The following NOL4 variants were observed in gnomAD, a reference collection of about 807,000 sequenced individuals.
NOL4 encodes nucleolar protein 4, also known as cancer/testis antigen 125.
Under a neutral mutation model 75.9 loss-of-function variants are expected in NOL4, and 17 were observed. The ratio of observed to expected loss-of-function variants is 0.22; its 90% confidence interval spans 0.15 to 0.34. The LOEUF is 0.34. Ranked by LOEUF, NOL4 falls within the 10% of genes least tolerant of loss-of-function variation. The pLI, the probability that NOL4 is intolerant of heterozygous loss-of-function variation, is 1.00. For missense variants in NOL4, 614 were observed against 793.5 expected (o/e 0.77, Z 2.72); for synonymous variants, 292 against 289.9 (o/e 1.01, Z -0.07).
chr18:33,859,725 C>G (rs116532459), intron 10 of NOL4, among the ~76,000 whole-genome samples: 2 of 152,010 alleles, frequency 1.3e-5, no homozygotes, highest in South Asian at 2.1e-4. Flanking sequence ...ACAAGACCAG[C>G]CTGACCAACA....
Position 34,093,483 on chromosome 18 carries a change from G to A in NOL4, c.754C>T (p.Leu252Phe). ...GGCTTACCATCTTGCTGGCCATGAAGATTCTGGGGACTTTGCATTCTTTCT... is the reference window on the plus strand; with the variant it reads ...GGCTTACCATCTTGCTGGCCATGAAAATTCTGGGGACTTTGCATTCTTTCT... ...LEERMQSPQN[L>F]HGQQDDDSAA... Residue 252 changes from leucine (L) to phenylalanine (F), a missense_variant, in exon 5 of 11, where the codon CTT (leucine) becomes TTT (phenylalanine). This residue lies in a region of NOL4 where 135 missense variants were observed against 220.4 expected (regional missense o/e 0.61). Transcript: ENST00000261592. The A allele has an allele frequency of 6.3e-7, 1 of 1,586,490 alleles. No homozygotes were observed. The highest frequency in any genetic ancestry group is 8.6e-7 in the Non-Finnish European group (1 of 1,164,422).
At chr18:34,192,822 C>G (rs560572993) in intron 1 of NOL4, among the ~76,000 whole-genome samples, 1 of 152,124 alleles carries the variant, frequency 6.6e-6, no homozygotes, top group African/African-American at 2.4e-5. Flanking sequence ...AGTGGATTAA[C>G]GGCATTATCA....
intron 10 of NOL4, among the ~76,000 whole-genome samples, chr18:33,864,968 C>T (rs1229333891): frequency 6.6e-6 from 1 of 152,070 alleles, no homozygotes; most frequent in East Asian, 1.9e-4. Context: ...ATGAGGGAAA[C>T]CTCTCCCATG....
intron 6 of NOL4, among the ~76,000 whole-genome samples, chr18:33,985,745 A>C (rs1176907298): frequency 4.6e-5 from 7 of 152,138 alleles, no homozygotes; most frequent in Admixed American, 4.6e-4. Flanking sequence ...TTAGTGGGTA[A>C]AGTTTTATCC....
At chr18:34,190,914 A>C (rs1245721342) in intron 1 of NOL4, among the ~76,000 whole-genome samples, 1 of 152,096 alleles carries the variant, frequency 6.6e-6, no homozygotes, top group Admixed American at 6.6e-5. Context: ...ATGCAAAACT[A>C]TTTCACATAT....
At chr18:34,140,777 G>C (rs1379161234) in intron 1 of NOL4, among the ~76,000 whole-genome samples, 1 of 152,120 alleles carries the variant, frequency 6.6e-6, no homozygotes, top group African/African-American at 2.4e-5. Context: ...CCTAGCATCA[G>C]TGGTCTTTAC....
intron 5 of NOL4, among the ~76,000 whole-genome samples, chr18:34,073,394 A>G (rs2077603673): frequency 6.6e-6 from 1 of 152,054 alleles, no homozygotes; most frequent in Non-Finnish European, 1.5e-5. Flanking sequence ...CCCAAAATCC[A>G]TAGATGTTCA....
At chr18:34,100,203 C>A (rs572957973) in intron 4 of NOL4, among the ~76,000 whole-genome samples, 2 of 152,106 alleles carry the variant, frequency 1.3e-5, no homozygotes, top group Non-Finnish European at 2.9e-5. Context: ...CCTATTAATG[C>A]CAAGGATATT....
chr18:34,148,524 T>C (rs2081506974), intron 1 of NOL4, among the ~76,000 whole-genome samples: 1 of 152,150 alleles, frequency 6.6e-6, no homozygotes, highest in Non-Finnish European at 1.5e-5. Flanking sequence ...TTGTACAGTT[T>C]TGAGTGAGTT....
At chr18:33,857,182 C>G (rs2062875820) in intron 10 of NOL4, among the ~76,000 whole-genome samples, 1 of 152,008 alleles carries the variant, frequency 6.6e-6, no homozygotes, top group Non-Finnish European at 1.5e-5. Context: ...AAACTGGAAG[C>G]TCCTCAACTG....
intron 9 of NOL4, among the ~76,000 whole-genome samples, chr18:33,929,287 G>A (rs908458572): frequency 1.3e-5 from 2 of 152,056 alleles, no homozygotes; most frequent in Middle Eastern, 3.2e-3. Flanking sequence ...TGATAGTCAA[G>A]AGCCTCTCTC....
rs2037468899 is a variant in NOL4 at position 34,223,716 on chromosome 18, C to A, written c.-463G>T. On this transcript the variant is annotated 5_prime_UTR_variant, in exon 1 of 11. Transcript: ENST00000261592. ...GCGCAGCGCCGCCTCCCCGCGCGCG[C>A]CCCAGAAGCTTCCCCAGCCACTGGC... Among the ~76,000 whole-genome samples, 1 of 152,260 alleles carries A rather than the reference C, an allele frequency of 6.6e-6. No homozygotes were observed. Among genetic ancestry groups the A allele is most frequent in the African/African-American group, 2.4e-5 (1 of 41,574 alleles).
chr18:34,110,711 C>A (rs1357522004), intron 2 of NOL4, among the ~76,000 whole-genome samples: 5 of 151,884 alleles, frequency 3.3e-5, no homozygotes, highest in African/African-American at 4.8e-5. Context: ...AAAAGATAAG[C>A]CATCTAAACT....
intron 1 of NOL4, among the ~76,000 whole-genome samples, chr18:34,149,288 G>A (rs1223697162): frequency 6.6e-6 from 1 of 151,614 alleles, no homozygotes; most frequent in East Asian, 1.9e-4. Context: ...TAATACATGA[G>A]TATATTGGAA....
intron 5 of NOL4, chr18:34,023,540 C>G (rs939344031): frequency 6.6e-6 from 3 of 454,646 alleles, no homozygotes; most frequent in African/African-American, 4.0e-5. Flanking sequence ...GGCGGTGGTT[C>G]TTCTCTCAAG....
chr18:33,912,007 T>C (rs1419207690), intron 9 of NOL4, among the ~76,000 whole-genome samples: 4 of 152,216 alleles, frequency 2.6e-5, no homozygotes, highest in East Asian at 3.9e-4. Context: ...GGATGGGACC[T>C]GGGTCTAACA....
At chr18:33,964,504 AAAAGAAAGGAAGGAAG>A (rs573551131) in intron 6 of NOL4, among the ~76,000 whole-genome samples, 1 of 151,132 alleles carries the variant, frequency 6.6e-6, no homozygotes, top group Non-Finnish European at 1.5e-5. Context: ...GAAAAGAAAG[AAAAGAAAGGAAGGAAG>A]GAAGGAAGAT....
At chr18:34,107,735 C>T (rs920002644) in intron 2 of NOL4, among the ~76,000 whole-genome samples, 3 of 151,548 alleles carry the variant, frequency 2.0e-5, no homozygotes, top group South Asian at 2.1e-4. Flanking sequence ...CAGGCCTATT[C>T]GAAATTAAGA....
intron 6 of NOL4, among the ~76,000 whole-genome samples, chr18:34,001,225 G>A (rs544330586): frequency 1.7e-4 from 26 of 152,140 alleles, no homozygotes; most frequent in Admixed American, 3.3e-4. Flanking sequence ...TTCTCTTTAC[G>A]TGAATTCTTC....
Sources: allele counts gnomAD v4.1 joint callset (sites outside exome capture counted in the v4.1 genomes callset), GRCh38; gene constraint gnomAD v4.1.1; regional missense constraint gnomAD v4.1.1; transcripts MANE v1.5; gene names NCBI Gene and HGNC (gene_info 2026-07-23, HGNC 2026-07-21).